Variants in KIAA1549L observed in about 807,000 individuals in gnomAD.
KIAA1549L encodes UPF0606 protein KIAA1549L.
KIAA1549L carries 88 observed loss-of-function variants against 160.7 expected under a neutral mutation model. That is an observed-to-expected ratio of 0.55 (90% CI 0.46 to 0.65). The LOEUF is 0.65. Among genes scored for constraint, KIAA1549L ranks in the 30% least tolerant of loss-of-function variants. The probability of loss-of-function intolerance (pLI) is 0.00; values close to 1 mark genes in which losing one functional copy is unlikely to be tolerated. For missense variants in KIAA1549L, 2,258 were observed against 2,437.5 expected (o/e 0.93, Z 1.55); for synonymous variants, 950 against 976.7 (o/e 0.97, Z 0.51).
At chr11:33,383,011 TAC>T (rs1850102629) in intron 1 of KIAA1549L, among the ~76,000 whole-genome samples, 2 of 152,310 alleles carry the variant, frequency 1.3e-5, no homozygotes, top group African/African-American at 4.8e-5. Context: ...CTTGGAAAAG[TAC>T]AGTGTTACTG....
In KIAA1549L at chr11:33,669,024, T is replaced by C. The variant is rs1167781227; in HGVS notation, c.*870T>C. On this transcript the variant is annotated 3_prime_UTR_variant, in exon 21 of 21. Coordinates refer to ENST00000658780, the MANE Select transcript of KIAA1549L (RefSeq NM_012194.3). ...GGAGCTTCTCTTTTTCTTGGGATAATAGATACATCAACTTTTACAAGAAAA... is the reference window on the plus strand; with the variant it reads ...GGAGCTTCTCTTTTTCTTGGGATAACAGATACATCAACTTTTACAAGAAAA... 1.3e-5 allele frequency: 2 copies of C among 152,176 alleles called. No homozygotes were observed. The highest frequency in any genetic ancestry group is 4.8e-5 in the African/African-American group (2 of 41,448). 9.4% of individuals were successfully genotyped at this position (152,176 alleles called of 1,614,324 possible). A position where few individuals can be genotyped will look rare whatever the true frequency, so the allele number is the denominator to read the frequency against.
intron 1 of KIAA1549L, among the ~76,000 whole-genome samples, chr11:33,429,869 T>C (rs996648609): frequency 1.3e-5 from 2 of 152,138 alleles, no homozygotes; most frequent in African/African-American, 4.8e-5. Context: ...GATTTGTGAG[T>C]GGAATCCTGA....
intron 1 of KIAA1549L, among the ~76,000 whole-genome samples, chr11:33,496,543 A>G (rs577250882): frequency 6.6e-6 from 1 of 152,282 alleles, no homozygotes; most frequent in African/African-American, 2.4e-5. Flanking sequence ...GATGGCTTCC[A>G]ACTCTATCCC....
At chr11:33,476,322 G>C (rs776041976) in intron 1 of KIAA1549L, among the ~76,000 whole-genome samples, 3 of 152,174 alleles carry the variant, frequency 2.0e-5, no homozygotes, top group Admixed American at 6.5e-5. Context: ...ATCTCTCTCT[G>C]TGGTCAGCCC....
intron 5 of KIAA1549L, 25 bp from the exon 6 acceptor site, chr11:33,552,083 C>A (rs756806561): frequency 6.2e-7 from 1 of 1,612,948 alleles, no homozygotes; most frequent in South Asian, 1.1e-5. Flanking sequence ...CTTTAGTGAG[C>A]ACTGATTGAC....
chr11:33,413,993 A>G (rs1344561638), intron 1 of KIAA1549L, among the ~76,000 whole-genome samples: 1 of 152,194 alleles, frequency 6.6e-6, no homozygotes, highest in Non-Finnish European at 1.5e-5. Context: ...TGGAATCTCC[A>G]GGACCTAGAT....
chr11:33,475,583 C>T (rs892316147), intron 1 of KIAA1549L, among the ~76,000 whole-genome samples: 4 of 150,492 alleles, frequency 2.7e-5, no homozygotes, highest in Non-Finnish European at 5.9e-5. Flanking sequence ...CCAGGTGCAG[C>T]GGCTCATGCC....
intron 1 of KIAA1549L, among the ~76,000 whole-genome samples, chr11:33,487,402 CTTT>C (rs112165825): frequency 3.5e-5 from 3 of 85,554 alleles, no homozygotes; most frequent in Non-Finnish European, 4.9e-5. Context: ...GTCTATTGTT[CTTT>C]TTTTTTTTTT....
At chr11:33,427,096 C>T (rs1477892127) in intron 1 of KIAA1549L, among the ~76,000 whole-genome samples, 2 of 152,198 alleles carry the variant, frequency 1.3e-5, no homozygotes, top group African/African-American at 2.4e-5. Flanking sequence ...GCTCATTAGT[C>T]TCATCAGTTT....
chr11:33,650,852 C>T (rs190637885), intron 17 of KIAA1549L, among the ~76,000 whole-genome samples: 2 of 152,320 alleles, frequency 1.3e-5, no homozygotes, highest in African/African-American at 4.8e-5. Flanking sequence ...TTTCCTGCAC[C>T]CCGTGGAAGG....
intron 1 of KIAA1549L, among the ~76,000 whole-genome samples, chr11:33,440,813 C>T (rs1851486219): frequency 6.6e-6 from 1 of 152,192 alleles, no homozygotes; most frequent in Admixed American, 6.5e-5. Flanking sequence ...TAAGCTCCAT[C>T]CATTTTTGGA....
At chr11:33,562,724 G>T (rs930232893) in intron 8 of KIAA1549L, among the ~76,000 whole-genome samples, 1 of 149,502 alleles carries the variant, frequency 6.7e-6, no homozygotes. Flanking sequence ...CGTGGCTCAG[G>T]CTGGAGTGCA....
chr11:33,528,588 A>G (rs145823005), intron 1 of KIAA1549L, among the ~76,000 whole-genome samples: 1 of 152,360 alleles, frequency 6.6e-6, no homozygotes, highest in African/African-American at 2.4e-5. Context: ...ATGCCCATCA[A>G]CCAATGAGTG....
At chr11:33,608,472 C>G (rs1235145570) in intron 14 of KIAA1549L, among the ~76,000 whole-genome samples, 1 of 152,260 alleles carries the variant, frequency 6.6e-6, no homozygotes, top group Non-Finnish European at 1.5e-5. Context: ...GGGCACAATT[C>G]TGCCAGCAGA....
chr11:33,603,318 G>T (rs2133314128), intron 13 of KIAA1549L, among the ~76,000 whole-genome samples: 1 of 150,960 alleles, frequency 6.6e-6, no homozygotes, highest in Admixed American at 6.7e-5. Context: ...ATCAGTAGTG[G>T]TAACCATTGT....
chr11:33,436,131 TTA>T (rs1851376004), intron 1 of KIAA1549L, among the ~76,000 whole-genome samples: 2 of 151,994 alleles, frequency 1.3e-5, no homozygotes, highest in South Asian at 4.2e-4. Context: ...CTATGCCACT[TTA>T]TATCTCAGGG....
chr11:33,406,423 C>G (rs1173703009), intron 1 of KIAA1549L, among the ~76,000 whole-genome samples: 1 of 152,218 alleles, frequency 6.6e-6, no homozygotes, highest in Non-Finnish European at 1.5e-5. Context: ...AGGGGAGGGG[C>G]CGCTGCCTTG....
intron 1 of KIAA1549L, among the ~76,000 whole-genome samples, chr11:33,513,460 G>A (rs147105545): frequency 9.9e-4 from 150 of 152,272 alleles, no homozygotes; most frequent in African/African-American, 3.3e-3. Flanking sequence ...ACTGGGCTTG[G>A]TGGGAGAACA....
intron 12 of KIAA1549L, among the ~76,000 whole-genome samples, chr11:33,597,827 G>C (rs889577115): frequency 1.3e-5 from 2 of 152,212 alleles, no homozygotes; most frequent in Admixed American, 1.3e-4. Flanking sequence ...TGAGGGAGGA[G>C]GGGGAGCCTG....
Sources: gnomAD v4.1 joint callset for allele counts (sites outside exome capture counted in the v4.1 genomes callset) on GRCh38, gnomAD v4.1.1 for gene constraint, MANE v1.5 for transcripts, NCBI Gene and HGNC (gene_info 2026-07-23, HGNC 2026-07-21) for gene names.